MICAL3: variants seen among roughly 807,000 people sequenced by gnomAD.
MICAL3 encodes [F-actin]-monooxygenase MICAL3.
A neutral mutation model predicts 207.4 loss-of-function variants in MICAL3; 62 were observed. The ratio of observed to expected loss-of-function variants is 0.30; its 90% CI spans 0.24 to 0.37. MICAL3 has a LOEUF of 0.37. Among genes scored for constraint, MICAL3 ranks in the 10% least tolerant of loss-of-function variants. The pLI is 1.00. For missense variants in MICAL3, 2,368 were observed against 2,635.6 expected (o/e 0.90, Z 2.22); for synonymous variants, 1,077 against 1,069.3 (o/e 1.01, Z -0.14).
intron 19 of MICAL3, among the ~76,000 whole-genome samples, chr22:17,844,547 G>A (rs909030705): frequency 6.6e-6 from 1 of 152,186 alleles, no homozygotes; most frequent in Non-Finnish European, 1.5e-5. Context: ...CCACCAAATA[G>A]CATCTTTCGA....
rs1921714972 is a variant in MICAL3, at chr22:17,822,162, A to G, written c.3316T>C (p.Trp1106Arg). ...TGAELDDDQH[W>R]SDSPSDADRE... ...TCAGCATCCGACGGGCTGTCAGACCAGTGCTGATCTGGCAGAGGGAAGGGG... is the reference window on the plus strand; with the variant it reads ...TCAGCATCCGACGGGCTGTCAGACCGGTGCTGATCTGGCAGAGGGAAGGGG... Residue 1106 changes from tryptophan (W) to arginine (R), a missense_variant, in exon 24 of 32, where the codon TGG (tryptophan) becomes CGG (arginine). Around this residue, in one of 4 missense-constraint regions of MICAL3, gnomAD observed 1,770 missense variants for 1,863.2 expected, o/e 0.95. Transcript: ENST00000441493. The G allele has an allele frequency of 8.7e-6, 14 of 1,613,450 alleles. No individual in the cohort carries two copies. Among genetic ancestry groups the G allele is most frequent in the Non-Finnish European group, 1.2e-5 (14 of 1,179,824 alleles).
intron 1 of MICAL3, among the ~76,000 whole-genome samples, chr22:17,943,951 G>A (rs1933929747): frequency 6.6e-6 from 1 of 152,090 alleles, no homozygotes; most frequent in Non-Finnish European, 1.5e-5. Context: ...ACCTTTCTAT[G>A]GAAAAAAACA....
chr22:17,982,020 G>C (rs932536028), intron 1 of MICAL3, among the ~76,000 whole-genome samples: 1 of 152,128 alleles, frequency 6.6e-6, no homozygotes, highest in African/African-American at 2.4e-5. Context: ...TGAGAGAATC[G>C]CCTGAGCCTG....
chr22:18,018,451 T>C (rs994403600), intron 1 of MICAL3, among the ~76,000 whole-genome samples: 4 of 152,182 alleles, frequency 2.6e-5, no homozygotes, highest in African/African-American at 7.2e-5. Flanking sequence ...AGGCTGGACA[T>C]GGTGGCTCAC....
chr22:18,019,237 CCAGA>C (rs1348830618), intron 1 of MICAL3: 1 of 152,658 alleles, frequency 6.6e-6, no homozygotes, highest in Non-Finnish European at 1.5e-5. Flanking sequence ...CCATTATTCC[CCAGA>C]CAAACTCCAT....
chr22:17,806,881 A>G (rs1255780278), intron 29 of MICAL3, among the ~76,000 whole-genome samples: 1 of 152,234 alleles, frequency 6.6e-6, no homozygotes, highest in Non-Finnish European at 1.5e-5. Flanking sequence ...CTTCAGTGGT[A>G]TATTATTTTC....
chr22:18,002,392 A>G (rs1569163835), intron 1 of MICAL3, among the ~76,000 whole-genome samples: 1 of 151,980 alleles, frequency 6.6e-6, no homozygotes, highest in Non-Finnish European at 1.5e-5. Flanking sequence ...GCACTTTGGG[A>G]GGGAGGCCGA....
chr22:17,797,208 C>T (rs1014829381), intron 29 of MICAL3, among the ~76,000 whole-genome samples: 1 of 152,112 alleles, frequency 6.6e-6, no homozygotes, highest in African/African-American at 2.4e-5. Context: ...AGTGAGGATG[C>T]GGTCAGAAAG....
At chr22:17,864,383 G>A in intron 19 of MICAL3, 7 of 1,323,374 alleles carry the variant, frequency 5.3e-6, no homozygotes, top group Non-Finnish European at 6.8e-6. Context: ...CAGTGACAGG[G>A]AACAGGACGC....
chr22:17,926,969 T>G (rs1932953388), intron 1 of MICAL3, among the ~76,000 whole-genome samples: 1 of 152,248 alleles, frequency 6.6e-6, no homozygotes, highest in African/African-American at 2.4e-5. Flanking sequence ...CCATTTTTAA[T>G]TGTACAATTC....
chr22:17,843,466 C>G (rs1309129386), intron 19 of MICAL3, among the ~76,000 whole-genome samples: 1 of 152,190 alleles, frequency 6.6e-6, no homozygotes, highest in Non-Finnish European at 1.5e-5. Context: ...AGATGCCTGG[C>G]TCCACCAGTA....
At chr22:17,865,577 C>G (rs189574012) in intron 18 of MICAL3, among the ~76,000 whole-genome samples, 4 of 152,326 alleles carry the variant, frequency 2.6e-5, no homozygotes, top group African/African-American at 7.2e-5. Flanking sequence ...GGAGGAGGCT[C>G]TAATCATGTG....
intron 19 of MICAL3, chr22:17,860,302 A>G (rs1220128336): frequency 1.0e-6 from 1 of 985,376 alleles, no homozygotes; most frequent in Non-Finnish European, 1.2e-6. Flanking sequence ...ACACACCAAG[A>G]ACTCACAAGA....
chr22:17,912,044 A>G (rs1321963664), intron 1 of MICAL3, among the ~76,000 whole-genome samples: 2 of 152,030 alleles, frequency 1.3e-5, no homozygotes, highest in Non-Finnish European at 2.9e-5. Flanking sequence ...AGTGAGGTGC[A>G]TGAGGCTGAA....
Position 17,872,702 on chromosome 22 carries a change from G to A in MICAL3, c.2242-679C>T, listed in dbSNP as rs1168033496. The A allele has an allele frequency of 3.4e-6, 4 of 1,164,324 alleles. No individual in the cohort carries two copies. The South Asian group carries it at 4.9e-5, about 14-fold the overall frequency. 72.1% of individuals were successfully genotyped at this position (1,164,324 alleles called of 1,614,324 possible). On this transcript the variant is annotated intron_variant, in intron 16 of 31. Transcript: ENST00000441493. ...CTCAGCACACAGGTGTGTTTCCCAT[G>A]GCTGTGCTGGGTCTAGCTACACAGT...
At chr22:17,872,051 G>T in intron 16 of MICAL3, 28 bp from the exon 17 acceptor site, 1 of 1,571,540 alleles carries the variant, frequency 6.4e-7, no homozygotes, top group South Asian at 1.2e-5. Flanking sequence ...CGGGAGGAAG[G>T]GGAGCACCTC....
At chr22:17,953,153 A>C (rs908379532) in intron 1 of MICAL3, among the ~76,000 whole-genome samples, 1 of 152,192 alleles carries the variant, frequency 6.6e-6, no homozygotes, top group Non-Finnish European at 1.5e-5. Flanking sequence ...GATCAGAGTG[A>C]GGCATCTCTC....
At chr22:17,805,798 G>A (rs1601936703) in intron 29 of MICAL3, among the ~76,000 whole-genome samples, 2 of 152,272 alleles carry the variant, frequency 1.3e-5, no homozygotes, top group South Asian at 2.1e-4. Flanking sequence ...GCGTGATCTC[G>A]GCTCACCGCA....
At chr22:17,838,036 C>A (rs768405490) in intron 20 of MICAL3, among the ~76,000 whole-genome samples, 2 of 152,148 alleles carry the variant, frequency 1.3e-5, no homozygotes, top group Non-Finnish European at 2.9e-5. Flanking sequence ...AACTCCTAGA[C>A]ACAAGCAATC....
Sources: gnomAD v4.1 joint callset for allele counts (sites outside exome capture counted in the v4.1 genomes callset) on GRCh38, gnomAD v4.1.1 for gene constraint, gnomAD v4.1.1 regional missense constraint, MANE v1.5 for transcripts, NCBI Gene and HGNC (gene_info 2026-07-23, HGNC 2026-07-21) for gene names.